Variants in ADGRB3 observed in about 807,000 individuals in gnomAD.
ADGRB3 encodes the protein brain-specific angiogenesis inhibitor 3.
In ADGRB3, 37 loss-of-function variants were observed where a neutral mutation model predicts 193.4. That is an observed-to-expected ratio of 0.19 (90% CI 0.15 to 0.25). The LOEUF is 0.25. Ranked by LOEUF, ADGRB3 falls within the 10% of genes least tolerant of loss-of-function variation. The pLI, the probability that ADGRB3 is intolerant of heterozygous loss-of-function variation, is 1.00. For synonymous variants in ADGRB3, 690 were observed against 644.2 expected, an observed-to-expected ratio of 1.07 and a Z score of -1.08; for missense variants, 1,637 against 1,852.9, an observed-to-expected ratio of 0.88 and a Z score of 2.14.
At chr6:69,029,730 C>T (rs1770569093) in intron 13 of ADGRB3, among the ~76,000 whole-genome samples, 1 of 152,070 alleles carries the variant, frequency 6.6e-6, no homozygotes, top group Admixed American at 6.6e-5. Flanking sequence ...TCTTTCTATA[C>T]TGGACATGAA....
chr6:69,194,297 G>T (rs540402503), intron 17 of ADGRB3, among the ~76,000 whole-genome samples: 1 of 152,192 alleles, frequency 6.6e-6, no homozygotes, highest in Admixed American at 6.6e-5. Flanking sequence ...GTACAGCAGG[G>T]ACTTCTTTTC....
intron 3 of ADGRB3, among the ~76,000 whole-genome samples, chr6:68,709,801 C>G (rs1765380737): frequency 6.6e-6 from 1 of 152,028 alleles, no homozygotes; most frequent in Non-Finnish European, 1.5e-5. Context: ...ATAGAAATAA[C>G]CTAAATATCA....
At chr6:68,676,746 T>G (rs1321049094) in intron 3 of ADGRB3, among the ~76,000 whole-genome samples, 1 of 152,168 alleles carries the variant, frequency 6.6e-6, no homozygotes, top group Admixed American at 6.5e-5. Flanking sequence ...GACTTTTTAA[T>G]GAATGTGTGG....
intron 20 of ADGRB3, among the ~76,000 whole-genome samples, chr6:69,255,679 T>G (rs1167393808): frequency 6.6e-6 from 1 of 152,322 alleles, no homozygotes; most frequent in Non-Finnish European, 1.5e-5. Context: ...GGTAGTTTCT[T>G]TTGCTGTGCA....
At chr6:69,184,935 G>T (rs2150352745) in intron 17 of ADGRB3, among the ~76,000 whole-genome samples, 1 of 152,162 alleles carries the variant, frequency 6.6e-6, no homozygotes, top group East Asian at 1.9e-4. Flanking sequence ...AGAGTGAAGG[G>T]AAATTCTCTC....
In ADGRB3 at chr6:68,708,131, A is replaced by T. The variant is rs565509056; in HGVS notation, c.757+68699A>T. ...AATTTTCAGGTAACAGACTTTTTGTATTTGAGCCAGGGCTGACCCATACAT... is the reference window on the plus strand; with the variant it reads ...AATTTTCAGGTAACAGACTTTTTGTTTTTGAGCCAGGGCTGACCCATACAT... On this transcript the variant is annotated intron_variant, in intron 3 of 31. Coordinates refer to ENST00000370598, the MANE Select transcript of ADGRB3 (RefSeq NM_001704.3). Among the ~76,000 whole-genome samples, 4 of 152,298 alleles carry T rather than the reference A, an allele frequency of 2.6e-5. No individual in the cohort carries two copies. In the South Asian group the frequency reaches 8.3e-4, roughly 32 times the overall value.
chr6:69,293,958 C>T (rs962573594), intron 20 of ADGRB3, among the ~76,000 whole-genome samples: 2 of 151,826 alleles, frequency 1.3e-5, no homozygotes, highest in African/African-American at 4.8e-5. Context: ...TCCTCCTTTT[C>T]CAGGGGGGAG....
chr6:68,861,203 G>C (rs1001769782), intron 3 of ADGRB3, among the ~76,000 whole-genome samples: 1 of 152,138 alleles, frequency 6.6e-6, no homozygotes, highest in Non-Finnish European at 1.5e-5. Context: ...CACTCTAGTA[G>C]AGTGGATATT....
chr6:68,680,518 G>A (rs1764876669), intron 3 of ADGRB3, among the ~76,000 whole-genome samples: 2 of 152,034 alleles, frequency 1.3e-5, no homozygotes, highest in Admixed American at 1.3e-4. Flanking sequence ...TTGAACTGTG[G>A]TAGAGCTGGT....
intron 11 of ADGRB3, among the ~76,000 whole-genome samples, chr6:68,995,744 G>A (rs773480555): frequency 3.9e-5 from 6 of 152,070 alleles, no homozygotes; most frequent in Non-Finnish European, 7.4e-5. Flanking sequence ...GTCTTTTGGG[G>A]CATCTGGAAT....
intron 17 of ADGRB3, among the ~76,000 whole-genome samples, chr6:69,200,962 A>T (rs963866911): frequency 4.6e-5 from 7 of 152,272 alleles, no homozygotes; most frequent in African/African-American, 1.7e-4. Context: ...AGTGCAAAAA[A>T]TAAATTTATT....
chr6:68,768,931 G>GA (rs1189612171), intron 3 of ADGRB3, among the ~76,000 whole-genome samples: 2 of 151,266 alleles, frequency 1.3e-5, no homozygotes, highest in African/African-American at 2.4e-5. Flanking sequence ...ACAAACATAC[G>GA]AAAAAAAAGC....
At chr6:68,708,274 G>A (rs1765357945) in intron 3 of ADGRB3, among the ~76,000 whole-genome samples, 1 of 152,134 alleles carries the variant, frequency 6.6e-6, no homozygotes, top group South Asian at 2.1e-4. Context: ...GCTATATTAT[G>A]TTCAACTTTT....
At chr6:69,171,691 G>A (rs1001394065) in intron 17 of ADGRB3, among the ~76,000 whole-genome samples, 4 of 151,892 alleles carry the variant, frequency 2.6e-5, no homozygotes, top group Admixed American at 2.0e-4. Flanking sequence ...TCTTCCCCTG[G>A]ATGTGAACAA....
intron 6 of ADGRB3, among the ~76,000 whole-genome samples, chr6:68,947,169 C>T (rs919684679): frequency 1.3e-5 from 2 of 151,926 alleles, no homozygotes; most frequent in African/African-American, 4.8e-5. Flanking sequence ...ATAAACATAA[C>T]GTGGTCTATT....
Position 68,979,876 on chromosome 6 carries a change from C to T in ADGRB3, c.1734+4536C>T, listed in dbSNP as rs180824856. ...CTCTCTTCTCTCTCCTCTTCCTCCT[C>T]TTCCTCTCTTTTACATACATACAAA... On this transcript the variant is annotated intron_variant, in intron 10 of 31. Transcript: ENST00000370598. Among the ~76,000 whole-genome samples, 8 of 151,550 alleles carry T rather than the reference C, an allele frequency of 5.3e-5. 1 individual carries two copies. In the East Asian group the frequency reaches 1.2e-3, roughly 22 times the overall value.
chr6:69,007,803 A>T (rs1279687020), intron 11 of ADGRB3, among the ~76,000 whole-genome samples: 1 of 151,988 alleles, frequency 6.6e-6, no homozygotes, highest in Non-Finnish European at 1.5e-5. Context: ...TTGTGATGCT[A>T]TAACAAAATA....
In ADGRB3 at chr6:69,233,365, A is replaced by C. The variant is rs373759524; in HGVS notation, c.2556A>C (p.Leu852Phe). ...VLTDASHTKCLCDRLSTFAIL... is the reference protein window; with the variant it reads ...VLTDASHTKCFCDRLSTFAIL... ...CCGATGCATCCCATACGAAATGCTT[A>C]TGTGATCGTCTCTCTACCTTCGCCA... The change falls in exon 18 of 32, where the codon TTA becomes TTC. Residue 852 changes from leucine (L) to phenylalanine (F), a missense_variant. By Grantham distance (22) the Leu-to-Phe change is conservative (BLOSUM62 0). Around this residue, in one of 7 missense-constraint regions of ADGRB3, gnomAD observed 641 missense variants for 673.9 expected, o/e 0.95. Transcript: ENST00000370598. 6.2e-7 allele frequency: 1 copy of C among 1,614,110 alleles called. No homozygotes were observed. Among genetic ancestry groups the C allele is most frequent in the Non-Finnish European group, 8.5e-7 (1 of 1,179,996 alleles).
At chr6:69,129,398 A>C (rs1307031706) in intron 17 of ADGRB3, among the ~76,000 whole-genome samples, 1 of 152,146 alleles carries the variant, frequency 6.6e-6, no homozygotes, top group African/African-American at 2.4e-5. Context: ...GCATCAAAGA[A>C]AGAATAGGAA....
Sources: gnomAD v4.1 joint callset for allele counts (sites outside exome capture counted in the v4.1 genomes callset) on GRCh38, gnomAD v4.1.1 for gene constraint, gnomAD v4.1.1 regional missense constraint, MANE v1.5 for transcripts, NCBI Gene and HGNC (gene_info 2026-07-23, HGNC 2026-07-21) for gene names.